The following PRELID2 variants were observed in gnomAD, a reference collection of about 807,000 sequenced individuals.
PRELID2 encodes PRELI domain containing 2, also known as PRELI domain-containing protein 2.
A neutral mutation model predicts 28.4 loss-of-function variants in PRELID2; 25 were observed. The observed-to-expected ratio is 0.88, with a 90% CI of 0.64 to 1.23. PRELID2 has a LOEUF of 1.23. Among genes scored for constraint, PRELID2 ranks in the 50% most tolerant of loss-of-function variants. The probability of loss-of-function intolerance (pLI) is 0.00; values close to 1 mark genes in which losing one functional copy is unlikely to be tolerated. For missense variants in PRELID2, 201 were observed against 214.4 expected (o/e 0.94, Z 0.39); for synonymous variants, 76 against 71.6 (o/e 1.06, Z -0.31).
the PRELID2 span, among the ~76,000 whole-genome samples, chr5:145,387,544 G>T: frequency 6.6e-6 from 1 of 152,168 alleles, no homozygotes; most frequent in African/African-American, 2.4e-5. Flanking sequence ...CAATTAACCA[G>T]TAAAATGTCT....
At chr5:145,405,850 C>G in the PRELID2 span, among the ~76,000 whole-genome samples, 2 of 151,856 alleles carry the variant, frequency 1.3e-5, no homozygotes, top group East Asian at 3.9e-4. Flanking sequence ...GGACTACAGG[C>G]ACCTGCCACC....
At chr5:145,783,900 C>T (rs1427534915) in intron 5 of PRELID2, among the ~76,000 whole-genome samples, 1 of 152,182 alleles carries the variant, frequency 6.6e-6, no homozygotes, top group South Asian at 2.1e-4. Context: ...TTGTGACTAC[C>T]CGTGTATGTG....
At chr5:145,574,552 C>T (rs1405578562) in intron 1 of PRELID2, among the ~76,000 whole-genome samples, 2 of 152,166 alleles carry the variant, frequency 1.3e-5, no homozygotes, top group Admixed American at 6.5e-5. Flanking sequence ...GGTGGCTGTC[C>T]TCACCAAAAG....
At chr5:145,502,932 A>T (rs1752372755) in intron 1 of PRELID2, among the ~76,000 whole-genome samples, 2 of 151,984 alleles carry the variant, frequency 1.3e-5, no homozygotes, top group African/African-American at 4.8e-5. Flanking sequence ...GCTGACTACT[A>T]GGATCCCAAA....
intron 1 of PRELID2, among the ~76,000 whole-genome samples, chr5:145,519,527 T>C (rs376201514): frequency 6.6e-5 from 10 of 152,350 alleles, no homozygotes; most frequent in East Asian, 1.9e-4. Context: ...GATTATCCAC[T>C]TGAAAAACAT....
At chr5:145,273,996 T>A in the PRELID2 span, among the ~76,000 whole-genome samples, 641 of 151,936 alleles carry the variant, frequency 4.2e-3, 4 homozygotes, top group African/African-American at 0.015. Flanking sequence ...GGGACAGGGG[T>A]GCGTGATGAG....
At chr5:145,348,098 A>G in the PRELID2 span, among the ~76,000 whole-genome samples, 2 of 152,196 alleles carry the variant, frequency 1.3e-5, no homozygotes, top group Non-Finnish European at 2.9e-5. Flanking sequence ...CCTCTATGTC[A>G]GCAAGGAATC....
chr5:145,465,141 G>T, the PRELID2 span, among the ~76,000 whole-genome samples: 2 of 152,176 alleles, frequency 1.3e-5, no homozygotes, highest in South Asian at 2.1e-4. Flanking sequence ...CCTGGTCTCA[G>T]TCTACTTTAT....
intron 1 of PRELID2, among the ~76,000 whole-genome samples, chr5:145,591,119 G>C (rs982927443): frequency 6.6e-6 from 1 of 151,820 alleles, no homozygotes; most frequent in African/African-American, 2.4e-5. Flanking sequence ...AACATGGCGA[G>C]ACCCTGTCTC....
chr5:145,258,705 G>A, the PRELID2 span, among the ~76,000 whole-genome samples: 1 of 152,180 alleles, frequency 6.6e-6, no homozygotes, highest in Non-Finnish European at 1.5e-5. Context: ...GAGATACAGA[G>A]TATGAAATAT....
rs547812757 is a variant in PRELID2, at chr5:145,490,381, G to A, written n.71-17066C>T. 1.6e-4 allele frequency among the ~76,000 whole-genome samples: 24 copies of A among 152,086 alleles called. No individual in the cohort carries two copies. In the East Asian group the frequency reaches 2.3e-3, roughly 15 times the overall value. On this transcript the variant is annotated intron_variant and non_coding_transcript_variant, in intron 1 of 2. Coordinates refer to the PRELID2 transcript ENST00000510259. Reference sequence around the variant, plus strand: ...TATTGCCCTGTCTAAAACCTCATCCGCTTATTTTAGAATTTATATTATGGA... The same window carrying A: ...TATTGCCCTGTCTAAAACCTCATCCACTTATTTTAGAATTTATATTATGGA...
intron 1 of PRELID2, among the ~76,000 whole-genome samples, chr5:145,571,608 C>G (rs539218945): frequency 1.5e-4 from 23 of 152,304 alleles, no homozygotes; most frequent in African/African-American, 5.3e-4. Flanking sequence ...ATCCCCCTCC[C>G]TTTCCAGACT....
intron 5 of PRELID2, among the ~76,000 whole-genome samples, chr5:145,790,621 C>T (rs1175978098): frequency 2.0e-5 from 3 of 150,528 alleles, no homozygotes; most frequent in African/African-American, 7.3e-5. Flanking sequence ...TAAGAGTAAA[C>T]TCCAAATGAT....
intron 1 of PRELID2, among the ~76,000 whole-genome samples, chr5:145,596,478 T>C (rs1753308571): frequency 6.6e-6 from 1 of 152,070 alleles, no homozygotes; most frequent in South Asian, 2.1e-4. Context: ...TTGTTCTTGT[T>C]TCAAATGAGA....
At chr5:145,544,864 G>A (rs1014953245) in intron 1 of PRELID2, among the ~76,000 whole-genome samples, 5 of 152,092 alleles carry the variant, frequency 3.3e-5, no homozygotes, top group African/African-American at 4.8e-5. Context: ...TCACAGAGAG[G>A]TGATTTGAGA....
chr5:145,475,733 G>T (rs1361964695), intron 1 of PRELID2, among the ~76,000 whole-genome samples: 1 of 152,034 alleles, frequency 6.6e-6, no homozygotes, highest in Non-Finnish European at 1.5e-5. Flanking sequence ...GTTAATATTG[G>T]TCAGCTAATC....
the PRELID2 span, among the ~76,000 whole-genome samples, chr5:145,428,526 G>A: frequency 6.6e-6 from 1 of 152,132 alleles, no homozygotes; most frequent in South Asian, 2.1e-4. Flanking sequence ...TCAAAGGCTG[G>A]AAGGGCTACG....
chr5:145,339,723 G>A, the PRELID2 span, among the ~76,000 whole-genome samples: 1 of 152,100 alleles, frequency 6.6e-6, no homozygotes, highest in Non-Finnish European at 1.5e-5. Flanking sequence ...CAAGAAAACT[G>A]CACTTCCCGC....
chr5:145,498,763 G>A (rs1042536091), intron 1 of PRELID2, among the ~76,000 whole-genome samples: 2 of 151,614 alleles, frequency 1.3e-5, no homozygotes, highest in African/African-American at 2.4e-5. Context: ...CACCATGTTG[G>A]CCAAACTCCT....
Sources: allele counts gnomAD v4.1 joint callset (sites outside exome capture counted in the v4.1 genomes callset), GRCh38; gene constraint gnomAD v4.1.1; transcripts MANE v1.5; gene names NCBI Gene and HGNC (gene_info 2026-07-23, HGNC 2026-07-21).